SLC4A4: variants seen among roughly 807,000 people sequenced by gnomAD.
SLC4A4 encodes solute carrier family 4 member 4, also known as electrogenic sodium bicarbonate cotransporter 1.
Under a neutral mutation model 111.5 loss-of-function variants are expected in SLC4A4, and 27 were observed. The ratio of observed to expected loss-of-function variants is 0.24; its 90% CI spans 0.18 to 0.33. The LOEUF (loss-of-function observed/expected upper bound fraction) is 0.33. SLC4A4 is among the 10% of genes least tolerant of loss of function. The pLI is 1.00. For synonymous variants in SLC4A4, 443 were observed against 463.4 expected (o/e 0.96, Z 0.57); for missense variants, 909 against 1,315.5 (o/e 0.69, Z 4.78).
chr4:71,383,838 A>G (rs1204700603), intron 6 of SLC4A4, among the ~76,000 whole-genome samples: 4 of 152,160 alleles, frequency 2.6e-5, no homozygotes, highest in African/African-American at 4.8e-5. Flanking sequence ...TTATGGATCC[A>G]TTAGGCCCAT....
At position 71,067,260 on chromosome 4, in the gene SLC4A4, GT is replaced by G. The variant is rs754935905; in HGVS notation, c.-65+4483del. Among the ~76,000 whole-genome samples the G allele has an allele frequency of 4.0e-3, 592 of 147,424 alleles. 3 individuals are homozygous for G. The highest frequency in any genetic ancestry group is 6.7e-3 in the Admixed American group (99 of 14,766). ...AACACAGAATCTCAAAAAGGAAAGAGTTTTTTTTTTTAATTTTCAAAAACAT... is the reference window on the plus strand; with the variant it reads ...AACACAGAATCTCAAAAAGGAAAGAGTTTTTTTTTTAATTTTCAAAAACAT... On this transcript the variant is annotated intron_variant, in intron 1 of 26. Coordinates refer to the SLC4A4 transcript ENST00000649996.
intron 2 of SLC4A4, among the ~76,000 whole-genome samples, chr4:71,130,971 C>T (rs1419284496): frequency 6.6e-6 from 1 of 152,172 alleles, no homozygotes; most frequent in East Asian, 1.9e-4. Flanking sequence ...CTCCCCTGTA[C>T]ACATCTATCC....
At chr4:71,259,080 G>A (rs1258698782) in intron 3 of SLC4A4, among the ~76,000 whole-genome samples, 2 of 152,148 alleles carry the variant, frequency 1.3e-5, no homozygotes, top group African/African-American at 4.8e-5. Flanking sequence ...AGTGCTCTAT[G>A]ATTGCCCCTG....
At chr4:71,140,311 C>T (rs1743960500) in intron 2 of SLC4A4, among the ~76,000 whole-genome samples, 1 of 152,080 alleles carries the variant, frequency 6.6e-6, no homozygotes, top group African/African-American at 2.4e-5. Context: ...GTCCCAGCTA[C>T]TCAGGAGGCT....
intron 16 of SLC4A4, among the ~76,000 whole-genome samples, chr4:71,506,371 G>A (rs116718053): frequency 0.012 from 1,754 of 152,180 alleles, 44 homozygotes; most frequent in African/African-American, 0.04. Context: ...ATTTCCTTGA[G>A]TGGTGGTTTG....
intron 2 of SLC4A4, among the ~76,000 whole-genome samples, chr4:71,129,373 A>G (rs1037957781): frequency 3.2e-4 from 49 of 152,210 alleles, no homozygotes; most frequent in African/African-American, 1.1e-3. Flanking sequence ...AAAATGCTCA[A>G]CATCATTAAT....
At chr4:71,128,032 G>C (rs13122168) in intron 2 of SLC4A4, among the ~76,000 whole-genome samples, 8 of 152,054 alleles carry the variant, frequency 5.3e-5, no homozygotes, top group African/African-American at 1.9e-4. Flanking sequence ...GTTGCAGTAA[G>C]CTGTCATCGT....
At chr4:71,426,957 G>T (rs1037162956) in intron 7 of SLC4A4, among the ~76,000 whole-genome samples, 4 of 151,946 alleles carry the variant, frequency 2.6e-5, no homozygotes, top group African/African-American at 9.7e-5. Flanking sequence ...CTACATATAT[G>T]CCATATTTGC....
intron 3 of SLC4A4, chr4:71,339,035 A>G (rs922430448): frequency 3.3e-5 from 48 of 1,449,370 alleles, no homozygotes; most frequent in Non-Finnish European, 4.3e-5. Flanking sequence ...ATAATTTTGG[A>G]TGAGTCATAA....
chr4:71,298,426 A>G, intron 3 of SLC4A4, among the ~76,000 whole-genome samples: 1 of 152,210 alleles, frequency 6.6e-6, no homozygotes, highest in Non-Finnish European at 1.5e-5. Flanking sequence ...ACTGTGTTTT[A>G]AGGGTTGAGT....
chr4:71,161,955 A>C (rs188102959), intron 2 of SLC4A4, among the ~76,000 whole-genome samples: 8 of 152,300 alleles, frequency 5.3e-5, no homozygotes, highest in African/African-American at 1.9e-4. Flanking sequence ...ATCCCAATCT[A>C]CTAATTGGGT....
chr4:71,143,243 C>G (rs2148967462), intron 2 of SLC4A4, among the ~76,000 whole-genome samples: 1 of 152,166 alleles, frequency 6.6e-6, no homozygotes, highest in African/African-American at 2.4e-5. Context: ...GTGATGGTTT[C>G]CAGCTTCATC....
At chr4:71,223,058 C>T (rs1051404137) in intron 1 of SLC4A4, among the ~76,000 whole-genome samples, 2 of 152,078 alleles carry the variant, frequency 1.3e-5, no homozygotes, top group South Asian at 4.1e-4. Context: ...TCATGAATGT[C>T]AAGGGTCTGT....
chr4:71,525,631 TATG>T, intron 16 of SLC4A4, among the ~76,000 whole-genome samples: 1 of 152,100 alleles, frequency 6.6e-6, no homozygotes, highest in Non-Finnish European at 1.5e-5. Context: ...AACCACAATT[TATG>T]ATGTTTGTTC....
intron 1 of SLC4A4, among the ~76,000 whole-genome samples, chr4:71,206,036 G>A (rs755327094): frequency 1.3e-5 from 2 of 152,130 alleles, no homozygotes; most frequent in Non-Finnish European, 1.5e-5. Context: ...TGACTATGTC[G>A]TAGAACGCAT....
intron 7 of SLC4A4, among the ~76,000 whole-genome samples, chr4:71,432,213 G>A (rs147846242): frequency 3.3e-5 from 5 of 152,240 alleles, no homozygotes; most frequent in African/African-American, 1.2e-4. Flanking sequence ...GAGGATTATG[G>A]TCAGGTCACC....
chr4:71,402,718 G>T (rs981267837), intron 7 of SLC4A4, among the ~76,000 whole-genome samples: 1 of 152,230 alleles, frequency 6.6e-6, no homozygotes, highest in Admixed American at 6.5e-5. Flanking sequence ...TGGTGACTTT[G>T]GTGAGCATCT....
At chr4:71,198,209 G>A (rs1435025872) in intron 1 of SLC4A4, among the ~76,000 whole-genome samples, 1 of 152,158 alleles carries the variant, frequency 6.6e-6, no homozygotes, top group Non-Finnish European at 1.5e-5. Flanking sequence ...TACAATATAT[G>A]TGAAAGCACA....
chr4:71,282,501 TCACGAA>T lies in SLC4A4; in HGVS notation c.253+27106_253+27111del, dbSNP rs200969567. Among the ~76,000 whole-genome samples, 806 of 152,094 alleles carry T rather than the reference TCACGAA, an allele frequency of 5.3e-3. 8 individuals are homozygous for T. The highest frequency in any genetic ancestry group is 0.019 in the African/African-American group (774 of 41,482). ...GGTTTCTCCGTGTTGGTCAGGCTGGTCACGAACACCTGATATCAGGTGATCCGCCCA... is the reference window on the plus strand; with the variant it reads ...GGTTTCTCCGTGTTGGTCAGGCTGGTCACCTGATATCAGGTGATCCGCCCA... On this transcript the variant is annotated intron_variant, in intron 3 of 25. Coordinates refer to ENST00000264485, the MANE Select transcript of SLC4A4 (RefSeq NM_001098484.3).
Sources: gnomAD v4.1 joint callset for allele counts (sites outside exome capture counted in the v4.1 genomes callset) on GRCh38, gnomAD v4.1.1 for gene constraint, MANE v1.5 for transcripts, NCBI Gene and HGNC (gene_info 2026-07-23, HGNC 2026-07-21) for gene names.